Variants in SPAG17 observed in about 807,000 individuals in gnomAD.
The protein encoded by SPAG17 is sperm associated antigen 17.
In SPAG17, 169 loss-of-function variants were observed where a neutral mutation model predicts 273.6. The ratio of observed to expected loss-of-function variants is 0.62; its 90% confidence interval spans 0.55 to 0.70. The LOEUF is 0.70. Ranked by LOEUF, SPAG17 falls within the 30% of genes least tolerant of loss-of-function variation. The probability of loss-of-function intolerance (pLI) is 0.00; values close to 1 mark genes in which losing one functional copy is unlikely to be tolerated. For synonymous variants in SPAG17, 825 were observed against 873.2 expected (o/e 0.94, Z 0.97); for missense variants, 2,557 against 2,627.8 (o/e 0.97, Z 0.59).
intron 45 of SPAG17, among the ~76,000 whole-genome samples, chr1:117,970,826 A>G (rs752328867): frequency 6.6e-6 from 1 of 152,162 alleles, no homozygotes; most frequent in Non-Finnish European, 1.5e-5. Flanking sequence ...TTTATACTGG[A>G]GCGACAGGAC....
rs575313276 is a variant in SPAG17, at chr1:117,987,828, A to C, written c.5669+6T>G. ...GGTCCTTATGTGCGTTTTGGGGTAT[A>C]ATTACCTCGTTTTGTCTATCTTTTC... On this transcript the variant is annotated splice_donor_region_variant and intron_variant, in intron 40 of 48. Transcript: ENST00000336338. 1.1e-3 allele frequency: 1,809 copies of C among 1,612,456 alleles called. 41 individuals are homozygous for C. In the South Asian group the frequency reaches 0.019, roughly 17 times the overall value.
At chr1:117,955,945 G>A (rs1004581101) in intron 48 of SPAG17, among the ~76,000 whole-genome samples, 3 of 152,084 alleles carry the variant, frequency 2.0e-5, no homozygotes, top group Admixed American at 1.3e-4. Flanking sequence ...CTGACCAGTA[G>A]GCATAAGCTT....
chr1:118,148,340 G>A (rs1433668135), intron 3 of SPAG17, among the ~76,000 whole-genome samples: 7 of 152,166 alleles, frequency 4.6e-5, no homozygotes, highest in Admixed American at 1.3e-4. Context: ...GCAACAGCAA[G>A]AGTTGTCACA....
chr1:117,982,432 G>A (rs1333085061), intron 42 of SPAG17, among the ~76,000 whole-genome samples: 3 of 151,862 alleles, frequency 2.0e-5, no homozygotes, highest in African/African-American at 4.8e-5. Context: ...TAGTAGAGAC[G>A]GGGTTTCACC....
chr1:117,990,952 G>T, intron 37 of SPAG17, 46 bp from the exon 38 acceptor site: 1 of 1,135,890 alleles, frequency 8.8e-7, no homozygotes, highest in Non-Finnish European at 1.2e-6. Flanking sequence ...TTACTTACAA[G>T]ACTTACTTTG....
chr1:118,071,682 A>T, intron 17 of SPAG17, among the ~76,000 whole-genome samples: 1 of 152,134 alleles, frequency 6.6e-6, no homozygotes, highest in Non-Finnish European at 1.5e-5. Flanking sequence ...TTAAAAAGGT[A>T]ATTTGAAATT....
chr1:118,065,930 C>T (rs1652915266), intron 18 of SPAG17, among the ~76,000 whole-genome samples: 1 of 151,958 alleles, frequency 6.6e-6, no homozygotes, highest in Non-Finnish European at 1.5e-5. Context: ...CTAGCCAAGA[C>T]ATAAGGCAAA....
chr1:117,964,152 A>C (rs1324459970), intron 47 of SPAG17: 11 of 426,298 alleles, frequency 2.6e-5, no homozygotes, highest in Non-Finnish European at 3.0e-5. Context: ...CCTAGTGTAC[A>C]TTTCTCTCCT....
At chr1:118,061,129 T>C (rs1652247536) in intron 18 of SPAG17, among the ~76,000 whole-genome samples, 1 of 152,172 alleles carries the variant, frequency 6.6e-6, no homozygotes, top group African/African-American at 2.4e-5. Context: ...GCAGCCACTA[T>C]GGAAAATACC....
intron 3 of SPAG17, among the ~76,000 whole-genome samples, chr1:118,127,023 A>T (rs183364712): frequency 5.7e-4 from 87 of 152,210 alleles, no homozygotes; most frequent in African/African-American, 2.0e-3. Flanking sequence ...TGGGTTCTCT[A>T]TTCTGTTCCA....
At chr1:118,023,963 A>G (rs1460719287) in intron 27 of SPAG17, among the ~76,000 whole-genome samples, 1 of 152,054 alleles carries the variant, frequency 6.6e-6, no homozygotes, top group Non-Finnish European at 1.5e-5. Context: ...ACAAGGACCA[A>G]CGTCACTGTT....
intron 48 of SPAG17, chr1:117,961,498 T>C (rs1055326370): frequency 5.0e-4 from 76 of 152,220 alleles, no homozygotes; most frequent in African/African-American, 1.8e-3. Context: ...GTTTAGATGT[T>C]CTGTATCTTC....
In SPAG17 at chr1:118,026,773, A is replaced by G. The variant is rs1320481992; in HGVS notation, c.3731-1357T>C. On this transcript the variant is annotated intron_variant, in intron 26 of 48. Transcript: ENST00000336338. ...TATTACAAAAGCAACCACCATTAAC[A>G]ACCAAAAATAAAAAGTCACTCAGGA... Among the ~76,000 whole-genome samples the G allele has an allele frequency of 3.9e-5, 6 of 152,164 alleles. No homozygotes were observed. In the East Asian group the frequency reaches 1.2e-3, roughly 29 times the overall value.
rs549416927 is a variant in SPAG17 at position 117,976,235 on chromosome 1, G to A, written c.6005-2674C>T. On this transcript the variant is annotated intron_variant, in intron 43 of 48. Transcript: ENST00000336338. ...GGGGGAGGGAGTCCTTGAGGGTCTT[G>A]GAGCAGTGGCTGATTACCAGCTGAC... 7.9e-5 allele frequency among the ~76,000 whole-genome samples: 12 copies of A among 152,260 alleles called. No homozygotes were observed. In the South Asian group the frequency reaches 1.9e-3, roughly 24 times the overall value.
At chr1:118,065,109 G>T (rs867646569) in intron 18 of SPAG17, among the ~76,000 whole-genome samples, 1 of 152,028 alleles carries the variant, frequency 6.6e-6, no homozygotes, top group Non-Finnish European at 1.5e-5. Context: ...AGAAATCACA[G>T]ATTAAAAATG....
intron 1 of SPAG17, among the ~76,000 whole-genome samples, chr1:118,169,798 C>A (rs2102390064): frequency 6.6e-6 from 1 of 152,182 alleles, no homozygotes; most frequent in African/African-American, 2.4e-5. Flanking sequence ...GAATTAGAAG[C>A]TTTGTTCAAA....
chr1:118,034,644 G>A (rs1648863457), intron 24 of SPAG17, among the ~76,000 whole-genome samples: 1 of 152,122 alleles, frequency 6.6e-6, no homozygotes, highest in Non-Finnish European at 1.5e-5. Context: ...TCTGAGTAGT[G>A]GTACAGCATG....
chr1:118,051,130 T>C (rs888912591), intron 20 of SPAG17, among the ~76,000 whole-genome samples: 1 of 151,880 alleles, frequency 6.6e-6, no homozygotes, highest in African/African-American at 2.4e-5. Flanking sequence ...TCCCACAGGT[T>C]CATGAAAAAA....
intron 13 of SPAG17, among the ~76,000 whole-genome samples, chr1:118,085,339 G>A (rs919494454): frequency 6.6e-6 from 1 of 152,184 alleles, no homozygotes; most frequent in Non-Finnish European, 1.5e-5. Context: ...TCAAAGACAG[G>A]TATCGCTGAA....
Sources: gnomAD v4.1 joint callset for allele counts (sites outside exome capture counted in the v4.1 genomes callset) on GRCh38, gnomAD v4.1.1 for gene constraint, MANE v1.5 for transcripts, NCBI Gene and HGNC (gene_info 2026-07-23, HGNC 2026-07-21) for gene names.